MACROD2: variants seen among roughly 807,000 people sequenced by gnomAD.
The protein encoded by MACROD2 is mono-ADP ribosylhydrolase 2.
Under a neutral mutation model 70.4 loss-of-function variants are expected in MACROD2, and 36 were observed. The observed-to-expected ratio is 0.51, with a 90% CI of 0.39 to 0.68. The LOEUF is 0.68. Ranked by LOEUF, MACROD2 falls within the 30% of genes least tolerant of loss-of-function variation. The probability of loss-of-function intolerance (pLI) is 0.00; values close to 1 mark genes in which losing one functional copy is unlikely to be tolerated. For missense variants in MACROD2, 496 were observed against 538.4 expected (o/e 0.92, Z 0.78); for synonymous variants, 172 against 178.8 (o/e 0.96, Z 0.30).
rs183123421 is a variant in MACROD2 at position 15,535,903 on chromosome 20, G to A, written c.645+36056G>A. Among the ~76,000 whole-genome samples, 652 of 152,268 alleles carry A rather than the reference G, an allele frequency of 4.3e-3. 6 individuals are homozygous for A. The highest frequency in any genetic ancestry group is 7.2e-3 in the Non-Finnish European group (491 of 68,010). ...TCTGGAAATTTTTCTGGGAAGCATAGGTATGCTGTTTCACAATATAAGACA... is the reference window on the plus strand; with the variant it reads ...TCTGGAAATTTTTCTGGGAAGCATAAGTATGCTGTTTCACAATATAAGACA... On this transcript the variant is annotated intron_variant, in intron 8 of 17. Coordinates refer to ENST00000684519, the MANE Select transcript of MACROD2 (RefSeq NM_001351661.2).
chr20:14,261,250 T>A (rs2082098724), intron 3 of MACROD2, among the ~76,000 whole-genome samples: 1 of 114,476 alleles, frequency 8.7e-6, no homozygotes, highest in Non-Finnish European at 2.1e-5. Context: ...CTTTGGAACA[T>A]CAGTAAGTGA....
intron 3 of MACROD2, among the ~76,000 whole-genome samples, chr20:14,114,940 C>G (rs942872231): frequency 2.0e-5 from 3 of 152,144 alleles, no homozygotes; most frequent in African/African-American, 7.2e-5. Flanking sequence ...AATCCCTTTT[C>G]TGAGTCCTTG....
chr20:14,052,053 T>C, intron 2 of MACROD2: 2 of 413,352 alleles, frequency 4.8e-6, no homozygotes, highest in Non-Finnish European at 9.7e-6. Context: ...TTGATTGCTA[T>C]GTTTTTATGG....
At chr20:15,731,204 C>G (rs1429521733) in intron 8 of MACROD2, among the ~76,000 whole-genome samples, 2 of 58,454 alleles carry the variant, frequency 3.4e-5, no homozygotes, top group African/African-American at 9.5e-5. Context: ...GGTTAAGAAC[C>G]TTTGCTTAGA....
intron 5 of MACROD2, among the ~76,000 whole-genome samples, chr20:15,225,086 G>GA (rs199846134): frequency 6.6e-6 from 1 of 151,646 alleles, no homozygotes; most frequent in Non-Finnish European, 1.5e-5. Flanking sequence ...GGCCATGTAG[G>GA]AAAAAAATGC....
chr20:15,550,111 T>A (rs533959835), intron 8 of MACROD2, among the ~76,000 whole-genome samples: 1 of 152,116 alleles, frequency 6.6e-6, no homozygotes, highest in Admixed American at 6.5e-5. Context: ...TAATACAGTA[T>A]CTAATGCATC....
At chr20:14,401,794 C>A (rs1224898885) in intron 3 of MACROD2, among the ~76,000 whole-genome samples, 1 of 151,880 alleles carries the variant, frequency 6.6e-6, no homozygotes, top group African/African-American at 2.4e-5. Flanking sequence ...TTAGTTTCAT[C>A]TTTGTTGTAA....
chr20:15,839,107 C>T (rs1158662068), intron 8 of MACROD2, among the ~76,000 whole-genome samples: 1 of 152,112 alleles, frequency 6.6e-6, no homozygotes, highest in Non-Finnish European at 1.5e-5. Flanking sequence ...CAGCTTAAAT[C>T]TCAAATGTTA....
chr20:15,900,487 G>T (rs144089065), intron 10 of MACROD2, among the ~76,000 whole-genome samples: 1 of 152,128 alleles, frequency 6.6e-6, no homozygotes, highest in Non-Finnish European at 1.5e-5. Flanking sequence ...ATTTTCATTT[G>T]TACTGGTGCT....
chr20:15,398,455 G>GT (rs1418650332), intron 6 of MACROD2, among the ~76,000 whole-genome samples: 2 of 152,180 alleles, frequency 1.3e-5, no homozygotes, highest in Non-Finnish European at 2.9e-5. Flanking sequence ...ATGGGCACAG[G>GT]TAGGTGTAAG....
chr20:14,468,503 G>C (rs1245394072), intron 3 of MACROD2, among the ~76,000 whole-genome samples: 1 of 123,590 alleles, frequency 8.1e-6, no homozygotes, highest in Non-Finnish European at 1.7e-5. Flanking sequence ...TTGAGCCTCT[G>C]TGTGTCTTTT....
intron 5 of MACROD2, among the ~76,000 whole-genome samples, chr20:14,819,662 T>C (rs1336748958): frequency 6.6e-6 from 1 of 152,068 alleles, no homozygotes; most frequent in African/African-American, 2.4e-5. Context: ...TCATTGATTT[T>C]AGGGATCAGA....
chr20:14,841,212 A>C (rs888395601), intron 5 of MACROD2, among the ~76,000 whole-genome samples: 12 of 152,136 alleles, frequency 7.9e-5, no homozygotes, highest in Non-Finnish European at 1.0e-4. Flanking sequence ...AGATAACTTT[A>C]TCACATAGAT....
intron 3 of MACROD2, among the ~76,000 whole-genome samples, chr20:14,111,791 A>G (rs1321581749): frequency 6.6e-6 from 1 of 151,998 alleles, no homozygotes; most frequent in East Asian, 1.9e-4. Context: ...CACTGTGGAG[A>G]ACAGTTTGGT....
chr20:15,195,476 A>T (rs1259287449), intron 5 of MACROD2, among the ~76,000 whole-genome samples: 1 of 152,236 alleles, frequency 6.6e-6, no homozygotes, highest in East Asian at 1.9e-4. Context: ...CAAACATGAA[A>T]AAAAAGTTCA....
chr20:15,418,773 C>T (rs1265436544), intron 6 of MACROD2, among the ~76,000 whole-genome samples: 1 of 152,206 alleles, frequency 6.6e-6, no homozygotes, highest in African/African-American at 2.4e-5. Flanking sequence ...GGGCCTCTCA[C>T]TGAATCCTTT....
At chr20:15,250,851 T>G (rs1048787477) in intron 6 of MACROD2, among the ~76,000 whole-genome samples, 5 of 152,230 alleles carry the variant, frequency 3.3e-5, no homozygotes, top group African/African-American at 7.2e-5. Flanking sequence ...AGGTCTGCCC[T>G]GCTAATTATT....
intron 4 of MACROD2, among the ~76,000 whole-genome samples, chr20:14,515,473 A>ACGCGCACG (rs1406815284): frequency 3.0e-5 from 2 of 67,546 alleles, no homozygotes; most frequent in African/African-American, 7.0e-5. Flanking sequence ...ACGCACACAC[A>ACGCGCACG]CACACACACA....
chr20:14,433,291 A>G (rs757265333), intron 3 of MACROD2, among the ~76,000 whole-genome samples: 1 of 152,208 alleles, frequency 6.6e-6, no homozygotes, highest in East Asian at 1.9e-4. Flanking sequence ...TGACTGAAAC[A>G]TAACCTGTGG....
Sources: allele counts gnomAD v4.1 joint callset (sites outside exome capture counted in the v4.1 genomes callset), GRCh38; gene constraint gnomAD v4.1.1; transcripts MANE v1.5; gene names NCBI Gene and HGNC (gene_info 2026-07-23, HGNC 2026-07-21).